KHDRBS1: variants seen among roughly 807,000 people sequenced by gnomAD.
The protein encoded by KHDRBS1 is KH domain-containing, RNA-binding, signal transduction-associated protein 1.
Under a neutral mutation model 48.4 loss-of-function variants are expected in KHDRBS1, and 7 were observed. The observed-to-expected ratio is 0.14, with a 90% CI of 0.08 to 0.27. KHDRBS1 has a LOEUF of 0.27. Ranked by LOEUF, KHDRBS1 falls within the 10% of genes least tolerant of loss-of-function variation. The pLI is 1.00. For synonymous variants in KHDRBS1, 241 were observed against 235.8 expected (o/e 1.02, Z -0.20); for missense variants, 458 against 601.2 (o/e 0.76, Z 2.49).
intron 10 of KHDRBS1, among the ~76,000 whole-genome samples, chr1:32,050,865 G>C (rs1386394064): frequency 6.6e-6 from 1 of 151,380 alleles, no homozygotes; most frequent in Non-Finnish European, 1.5e-5. Flanking sequence ...GTTAACTTTT[G>C]TGTGTGTGGC....
chr1:32,049,882 C>A (rs1005222163), intron 10 of KHDRBS1, among the ~76,000 whole-genome samples: 1 of 151,910 alleles, frequency 6.6e-6, no homozygotes, highest in South Asian at 2.1e-4. Flanking sequence ...AGGATGGTCT[C>A]GATCTCCTGA....
intron 1 of KHDRBS1, among the ~76,000 whole-genome samples, chr1:32,019,688 A>C (rs189786288): frequency 2.0e-5 from 3 of 152,314 alleles, no homozygotes; most frequent in Non-Finnish European, 1.5e-5. Context: ...GTATAATACT[A>C]TTTCTATAAA....
chr1:32,054,155 G>A (rs1312201847), intron 10 of KHDRBS1, among the ~76,000 whole-genome samples: 2 of 152,140 alleles, frequency 1.3e-5, no homozygotes, highest in African/African-American at 4.8e-5. Flanking sequence ...AGTTAGTGCT[G>A]ATTTTGGAAG....
Position 32,033,265 on chromosome 1 carries a change from T to G in KHDRBS1, c.702T>G (p.Phe234Leu). 1 of 1,614,212 alleles carries G rather than the reference T, an allele frequency of 6.2e-7. No homozygotes were observed. The highest frequency in any genetic ancestry group is 1.1e-5 in the South Asian group (1 of 91,086). ...NMDLHVFIEV[F>L]GPPCEAYALM... Reference sequence around the variant, plus strand: ...ATCTGCATGTCTTCATTGAAGTCTTTGGACCCCCATGTGAGGCTTATGCTC... The same window carrying G: ...ATCTGCATGTCTTCATTGAAGTCTTGGGACCCCCATGTGAGGCTTATGCTC... Residue 234 changes from phenylalanine (F) to leucine (L), a missense_variant, in exon 4 of 9, where the codon TTT becomes TTG. Phe to Leu is a conservative substitution (Grantham distance 22). Around this residue, in one of 3 missense-constraint regions of KHDRBS1, gnomAD observed 74 missense variants for 156.9 expected, o/e 0.47. Transcript: ENST00000327300.
At chr1:32,037,787 T>A (rs752997164) in intron 5 of KHDRBS1, 48 bp from the exon 6 acceptor site, 8 of 1,587,746 alleles carry the variant, frequency 5.0e-6, no homozygotes, top group Non-Finnish European at 6.0e-6. Context: ...AACATAAAAG[T>A]GGCCTGTTTA....
intron 10 of KHDRBS1, among the ~76,000 whole-genome samples, chr1:32,053,664 A>ATG (rs1160332933): frequency 6.6e-6 from 1 of 152,150 alleles, no homozygotes; most frequent in African/African-American, 2.4e-5. Flanking sequence ...GAGCCACCAT[A>ATG]CCCTGTGTAA....
At chr1:32,029,539 C>T (rs572823778) in intron 1 of KHDRBS1, among the ~76,000 whole-genome samples, 2 of 152,228 alleles carry the variant, frequency 1.3e-5, no homozygotes, top group Admixed American at 1.3e-4. Context: ...CACCTGTAAT[C>T]CCAGCTACTT....
At chr1:32,041,259 CAT>C (rs1160591633) in intron 8 of KHDRBS1, among the ~76,000 whole-genome samples, 4 of 152,076 alleles carry the variant, frequency 2.6e-5, no homozygotes, top group Non-Finnish European at 4.4e-5. Context: ...AAGTGATGGA[CAT>C]GTGTGTTATA....
At chr1:32,046,237 C>T (rs113994247), downstream of KHDRBS1, among the ~76,000 whole-genome samples, 164 of 150,040 alleles carry the variant, frequency 1.1e-3, no homozygotes, top group African/African-American at 3.9e-3. Context: ...TTTTTTGAGA[C>T]GGAGCCCTGC....
intron 1 of KHDRBS1, among the ~76,000 whole-genome samples, chr1:32,015,434 G>A (rs1351254319): frequency 6.6e-6 from 1 of 152,128 alleles, no homozygotes; most frequent in African/African-American, 2.4e-5. Flanking sequence ...TCTTTGGCAA[G>A]GTTAATATAA....
intron 1 of KHDRBS1, 100 bp downstream of exon 1, chr1:32,014,477 C>A: frequency 8.6e-7 from 1 of 1,165,896 alleles, no homozygotes; most frequent in Non-Finnish European, 1.1e-6. Context: ...GGGACCGAGG[C>A]AGTCGGGAGT....
intron 2 of KHDRBS1, 33 bp downstream of exon 2, chr1:32,030,455 A>G: frequency 6.3e-7 from 1 of 1,577,916 alleles, no homozygotes; most frequent in Non-Finnish European, 8.6e-7. Flanking sequence ...TCTTTGAGTT[A>G]TCTTTATAGT....
At chr1:32,031,491 A>G (rs1329690887) in intron 2 of KHDRBS1, 33 bp from the exon 3 acceptor site, 1 of 1,279,554 alleles carries the variant, frequency 7.8e-7, no homozygotes, top group Non-Finnish European at 1.1e-6. Flanking sequence ...ATATAGTAGC[A>G]TGTATATTTA....
intron 4 of KHDRBS1, among the ~76,000 whole-genome samples, chr1:32,036,405 G>A (rs1263743851): frequency 2.0e-5 from 3 of 151,868 alleles, no homozygotes; most frequent in Non-Finnish European, 2.9e-5. Context: ...TCCTGACCTC[G>A]TGATCTGCCC....
At chr1:32,036,319 C>G (rs1349436499) in intron 4 of KHDRBS1, among the ~76,000 whole-genome samples, 3 of 151,854 alleles carry the variant, frequency 2.0e-5, no homozygotes, top group Admixed American at 2.0e-4. Flanking sequence ...CTACAGGTGC[C>G]TGCCGCGCCC....
At chr1:32,055,360 A>G (rs1639469791) in intron 10 of KHDRBS1, among the ~76,000 whole-genome samples, 1 of 152,022 alleles carries the variant, frequency 6.6e-6, no homozygotes, top group African/African-American at 2.4e-5. Context: ...AGGCAGGGGA[A>G]TTGCTTGAAC....
Position 32,014,192 on chromosome 1 carries a change from T to G in KHDRBS1, c.197T>G (p.Leu66Arg). 7.3e-7 allele frequency: 1 copy of G among 1,369,304 alleles called. No homozygotes were observed. The highest frequency in any genetic ancestry group is 9.5e-7 in the Non-Finnish European group (1 of 1,052,984). The allele number at this position is 1,369,304 out of a possible 1,614,324, so 84.8% of individuals were successfully genotyped here. A position where few individuals can be genotyped will look rare whatever the true frequency, so the allele number is the denominator to read the frequency against. Residue 66 changes from leucine to arginine, a missense_variant, in exon 1 of 9, where the codon CTG becomes CGG. By Grantham distance (102) the Leu-to-Arg change is moderately radical (BLOSUM62 -2). This residue lies in a region of KHDRBS1 where 213 missense variants were observed against 215.6 expected (regional missense o/e 0.99). Transcript: ENST00000327300. ...RASPATQPPP[L>R]LPPSATGPDA... Reference sequence around the variant, plus strand: ...TCGCCCGCCACGCAGCCGCCACCGCTGCTGCCGCCCTCGGCCACGGGTCCC... The same window carrying G: ...TCGCCCGCCACGCAGCCGCCACCGCGGCTGCCGCCCTCGGCCACGGGTCCC...
downstream of KHDRBS1, among the ~76,000 whole-genome samples, chr1:32,048,819 C>G (rs1337395855): frequency 6.6e-6 from 1 of 151,920 alleles, no homozygotes; most frequent in Non-Finnish European, 1.5e-5. Flanking sequence ...ATGTCTTTAT[C>G]ATTCCAAAAA....
chr1:32,053,880 C>T (rs1445192618), intron 10 of KHDRBS1, among the ~76,000 whole-genome samples: 2 of 151,996 alleles, frequency 1.3e-5, no homozygotes, highest in African/African-American at 4.8e-5. Context: ...GTCAGGAGTT[C>T]GAGACCAGCC....
Sources: gnomAD v4.1 joint callset for allele counts (sites outside exome capture counted in the v4.1 genomes callset) on GRCh38, gnomAD v4.1.1 for gene constraint, gnomAD v4.1.1 regional missense constraint, MANE v1.5 for transcripts, NCBI Gene and HGNC (gene_info 2026-07-23, HGNC 2026-07-21) for gene names.